Variants in ADGRB3 observed in about 807,000 individuals in gnomAD.
The protein encoded by ADGRB3 is adhesion G protein-coupled receptor B3.
ADGRB3 carries 37 observed loss-of-function variants against 193.4 expected under a neutral mutation model. The observed-to-expected ratio is 0.19, with a 90% CI of 0.15 to 0.25. ADGRB3 has a LOEUF of 0.25. Among genes scored for constraint, ADGRB3 ranks in the 10% least tolerant of loss-of-function variants. The probability of loss-of-function intolerance (pLI) is 1.00; values close to 1 mark genes in which losing one functional copy is unlikely to be tolerated. For missense variants in ADGRB3, 1,637 were observed against 1,852.9 expected (o/e 0.88, Z 2.14); for synonymous variants, 690 against 644.2 (o/e 1.07, Z -1.08).
intron 20 of ADGRB3, among the ~76,000 whole-genome samples, chr6:69,297,786 A>G (rs3799083): frequency 0.41 from 61,583 of 151,828 alleles, 14,520 homozygotes; most frequent in African/African-American, 0.65. Context: ...TGATTATGAT[A>G]CATGTTTTAT....
chr6:68,692,594 C>T (rs16900133), intron 3 of ADGRB3, among the ~76,000 whole-genome samples: 4,025 of 151,584 alleles, frequency 0.027, 174 homozygotes, highest in African/African-American at 0.091. Context: ...CTCTAGGTAC[C>T]CAAAGGCCCA....
At chr6:69,331,064 C>G (rs554128865) in intron 23 of ADGRB3, among the ~76,000 whole-genome samples, 1 of 152,180 alleles carries the variant, frequency 6.6e-6, no homozygotes, top group African/African-American at 2.4e-5. Context: ...ATGTGTTTTA[C>G]CAGGTTCCGC....
At chr6:69,330,388 G>A (rs1768688634) in intron 22 of ADGRB3, 118 bp from the exon 23 acceptor site, 2 of 582,004 alleles carry the variant, frequency 3.4e-6, no homozygotes, top group Non-Finnish European at 5.7e-6. Context: ...TATTACAAAT[G>A]TTTAACATGT....
intron 3 of ADGRB3, among the ~76,000 whole-genome samples, chr6:68,777,692 C>T (rs1281377305): frequency 7.2e-6 from 1 of 138,866 alleles, no homozygotes; most frequent in South Asian, 2.2e-4. Flanking sequence ...AAAAAAACGA[C>T]TACTAAACAT....
In ADGRB3 at chr6:68,772,930, T is replaced by C. The variant is rs1192609970; in HGVS notation, c.757+133498T>C. 1.0e-3 allele frequency among the ~76,000 whole-genome samples: 46 copies of C among 44,440 alleles called. 1 individual carries two copies. Among genetic ancestry groups the C allele is most frequent in the East Asian group, 7.2e-3 (13 of 1,818 alleles). 29.2% of individuals were successfully genotyped at this position (44,440 alleles called of 152,430 possible). On this transcript the variant is annotated intron_variant, in intron 3 of 31. Transcript: ENST00000370598. The stretch of plus-strand genomic sequence containing the variant: ...ATATATATATATATATATATATATA[T>C]ATACATACACACACAAAAATAAAAA...
intron 13 of ADGRB3, among the ~76,000 whole-genome samples, chr6:69,043,676 G>A (rs1386259426): frequency 6.6e-6 from 1 of 152,164 alleles, no homozygotes. Context: ...ACTATTCTCA[G>A]CTCTTGATAG....
intron 3 of ADGRB3, among the ~76,000 whole-genome samples, chr6:68,641,923 T>C (rs1164667791): frequency 6.6e-6 from 1 of 152,042 alleles, no homozygotes; most frequent in Non-Finnish European, 1.5e-5. Flanking sequence ...TATAATGACA[T>C]AGAGCTTGAG....
chr6:68,734,928 G>T lies in ADGRB3; in HGVS notation c.757+95496G>T, dbSNP rs150953028. On this transcript the variant is annotated intron_variant, in intron 3 of 31. Coordinates refer to ENST00000370598, the MANE Select transcript of ADGRB3 (RefSeq NM_001704.3). ...GAGTTTAACTTGGGTTTCTACTAGG[G>T]ATTTCAGCACTTGAAGGAATAAAGT... Among the ~76,000 whole-genome samples the T allele has an allele frequency of 8.0e-4, 121 of 152,016 alleles. 1 individual carries two copies. Among genetic ancestry groups the T allele is most frequent in the African/African-American group, 2.7e-3 (111 of 41,524 alleles).
chr6:68,929,141 T>C (rs2150245630), intron 3 of ADGRB3, among the ~76,000 whole-genome samples: 1 of 152,266 alleles, frequency 6.6e-6, no homozygotes, highest in East Asian at 1.9e-4. Flanking sequence ...TCAAACCCAC[T>C]GACATTTTGT....
chr6:68,883,701 C>T (rs745379363), intron 3 of ADGRB3, among the ~76,000 whole-genome samples: 1 of 152,154 alleles, frequency 6.6e-6, no homozygotes, highest in Non-Finnish European at 1.5e-5. Context: ...ACGAACCCAC[C>T]AGAAGGAAGA....
intron 11 of ADGRB3, among the ~76,000 whole-genome samples, chr6:69,006,568 T>C (rs1477635979): frequency 1.3e-5 from 2 of 151,564 alleles, no homozygotes; most frequent in African/African-American, 4.8e-5. Flanking sequence ...TGCAGTGGCA[T>C]GATCTTGGCT....
At chr6:69,308,575 C>T (rs1561983379) in intron 20 of ADGRB3, among the ~76,000 whole-genome samples, 3 of 151,366 alleles carry the variant, frequency 2.0e-5, no homozygotes. Context: ...GTATTAATAC[C>T]AAAGGTAATA....
chr6:69,378,955 TG>T, intron 30 of ADGRB3, among the ~76,000 whole-genome samples: 1 of 152,136 alleles, frequency 6.6e-6, no homozygotes, highest in Middle Eastern at 3.4e-3. Flanking sequence ...CTAATTCTCT[TG>T]CATTTAAAAT....
chr6:69,301,705 A>T (rs1311335038), intron 20 of ADGRB3, among the ~76,000 whole-genome samples: 1 of 151,990 alleles, frequency 6.6e-6, no homozygotes, highest in Non-Finnish European at 1.5e-5. Context: ...CACTATTTTA[A>T]GATAAATAAA....
chr6:69,179,498 T>C (rs1433540922), intron 17 of ADGRB3, among the ~76,000 whole-genome samples: 1 of 152,232 alleles, frequency 6.6e-6, no homozygotes, highest in Non-Finnish European at 1.5e-5. Flanking sequence ...TCATTTTGGT[T>C]AGGGACCATT....
intron 13 of ADGRB3, among the ~76,000 whole-genome samples, chr6:69,042,518 T>C (rs1313259024): frequency 6.6e-6 from 1 of 152,228 alleles, no homozygotes; most frequent in African/African-American, 2.4e-5. Flanking sequence ...TAAGTCATGT[T>C]TTAAAAAGAA....
chr6:69,128,690 T>A (rs1455272025), intron 17 of ADGRB3, among the ~76,000 whole-genome samples: 1 of 152,180 alleles, frequency 6.6e-6, no homozygotes, highest in Non-Finnish European at 1.5e-5. Flanking sequence ...TATTTTCTCT[T>A]CAGACTCTTT....
At chr6:68,768,883 G>T (rs1582185114) in intron 3 of ADGRB3, among the ~76,000 whole-genome samples, 1 of 151,588 alleles carries the variant, frequency 6.6e-6, no homozygotes, top group South Asian at 2.1e-4. Context: ...CAAAGGATAT[G>T]AACAGACACT....
chr6:69,225,395 T>C (rs1436530820), intron 17 of ADGRB3, among the ~76,000 whole-genome samples: 1 of 152,200 alleles, frequency 6.6e-6, no homozygotes, highest in Middle Eastern at 3.2e-3. Context: ...ACTAGTTTTC[T>C]TTCACCATTT....
Sources: gnomAD v4.1 joint callset for allele counts (sites outside exome capture counted in the v4.1 genomes callset) on GRCh38, gnomAD v4.1.1 for gene constraint, MANE v1.5 for transcripts, NCBI Gene and HGNC (gene_info 2026-07-23, HGNC 2026-07-21) for gene names.